Variants in SNTG2 observed in about 807,000 individuals in gnomAD.
The protein encoded by SNTG2 is gamma-2-syntrophin.
SNTG2 carries 74 observed loss-of-function variants against 70.9 expected under a neutral mutation model. That is an observed-to-expected ratio of 1.04 (90% CI 0.86 to 1.27). The LOEUF (loss-of-function observed/expected upper bound fraction) is 1.27, where lower values mean the gene tolerates loss of function less well. Ranked by LOEUF, SNTG2 falls within the 50% of genes most tolerant of loss-of-function variation. SNTG2 has a pLI of 0.00. For synonymous variants in SNTG2, 278 were observed against 273.8 expected (o/e 1.02, Z -0.15); for missense variants, 717 against 690.7 (o/e 1.04, Z -0.43).
intron 1 of SNTG2, among the ~76,000 whole-genome samples, chr2:1,072,675 T>G (rs1663656095): frequency 6.6e-6 from 1 of 152,204 alleles, no homozygotes. Flanking sequence ...GGTGTAGTGT[T>G]GACTTCAAGT....
intron 1 of SNTG2, 146 bp downstream of exon 1, chr2:951,214 G>A: frequency 2.4e-6 from 1 of 411,092 alleles, no homozygotes; most frequent in Non-Finnish European, 4.1e-6. Flanking sequence ...CGGAGGGTGG[G>A]CGCCGGAGCC....
At chr2:1,362,850 C>G (rs540308052) in intron 16 of SNTG2, among the ~76,000 whole-genome samples, 1 of 152,222 alleles carries the variant, frequency 6.6e-6, no homozygotes, top group South Asian at 2.1e-4. Flanking sequence ...ATGGAAGTTA[C>G]CAATGCTGAG....
intron 8 of SNTG2, among the ~76,000 whole-genome samples, chr2:1,202,755 A>T (rs931851312): frequency 6.6e-6 from 1 of 152,222 alleles, no homozygotes; most frequent in Non-Finnish European, 1.5e-5. Flanking sequence ...AACAATAACC[A>T]TAAAAATATC....
intron 8 of SNTG2, among the ~76,000 whole-genome samples, chr2:1,204,606 C>T (rs907034650): frequency 3.3e-5 from 5 of 152,164 alleles, no homozygotes; most frequent in Non-Finnish European, 5.9e-5. Context: ...GCTCCATCCC[C>T]TTATCACAAG....
intron 9 of SNTG2, among the ~76,000 whole-genome samples, chr2:1,228,804 G>A (rs1675981168): frequency 6.6e-6 from 1 of 152,234 alleles, no homozygotes; most frequent in South Asian, 2.1e-4. Context: ...GACCCTCGCG[G>A]TGAGTGTTAC....
At position 1,339,950 on chromosome 2, in the gene SNTG2, G is replaced by A. The variant is rs201203911; in HGVS notation, c.1488+23575G>A. 5.3e-5 allele frequency among the ~76,000 whole-genome samples: 8 copies of A among 152,296 alleles called. No homozygotes were observed. The East Asian group carries it at 1.5e-3, about 29-fold the overall frequency. ...AACTGCTTAAGGCCTCGCACCGTCC[G>A]CTCACTGGCCGCATCGAACTGAAAT... On this transcript the variant is annotated intron_variant, in intron 16 of 16. Coordinates refer to ENST00000308624, the MANE Select transcript of SNTG2 (RefSeq NM_018968.4).
intron 8 of SNTG2, among the ~76,000 whole-genome samples, chr2:1,200,625 G>A (rs527607739): frequency 9.2e-5 from 14 of 152,014 alleles, no homozygotes; most frequent in African/African-American, 2.4e-4. Context: ...CTATTCATTC[G>A]ACAAGAGACT....
intron 14 of SNTG2, among the ~76,000 whole-genome samples, chr2:1,285,839 C>G (rs1249908954): frequency 2.0e-5 from 3 of 152,116 alleles, no homozygotes; most frequent in Non-Finnish European, 2.9e-5. Flanking sequence ...AGGGTCTGGA[C>G]CATTTGTAGT....
At chr2:1,156,790 T>A (rs1669927675) in intron 6 of SNTG2, among the ~76,000 whole-genome samples, 1 of 151,768 alleles carries the variant, frequency 6.6e-6, no homozygotes, top group African/African-American at 2.4e-5. Flanking sequence ...CCTGCCTGCG[T>A]GGGGGTAGGA....
chr2:1,329,171 T>C (rs555041943), intron 16 of SNTG2, among the ~76,000 whole-genome samples: 13 of 152,334 alleles, frequency 8.5e-5, no homozygotes, highest in African/African-American at 3.1e-4. Context: ...GGGTAATCAT[T>C]ATTTAAAGCT....
At chr2:972,309 T>G (rs1660769332) in intron 1 of SNTG2, among the ~76,000 whole-genome samples, 1 of 152,222 alleles carries the variant, frequency 6.6e-6, no homozygotes, top group Admixed American at 6.5e-5. Context: ...TGAATCTGGG[T>G]GCTCCTGTGT....
chr2:1,175,203 A>G (rs1315780599), intron 8 of SNTG2, among the ~76,000 whole-genome samples: 1 of 152,226 alleles, frequency 6.6e-6, no homozygotes, highest in Non-Finnish European at 1.5e-5. Flanking sequence ...TTGTCTCAAC[A>G]CTATTTCTGG....
At chr2:1,100,391 T>C (rs1665710793) in intron 4 of SNTG2, among the ~76,000 whole-genome samples, 1 of 152,226 alleles carries the variant, frequency 6.6e-6, no homozygotes, top group African/African-American at 2.4e-5. Context: ...GTGATCTGCC[T>C]GCCTCCGCCT....
intron 15 of SNTG2, among the ~76,000 whole-genome samples, chr2:1,315,840 T>C (rs185335451): frequency 3.7e-4 from 56 of 152,310 alleles, no homozygotes; most frequent in Admixed American, 1.9e-3. Flanking sequence ...GACTATGTCT[T>C]ATATAATATA....
In SNTG2 at chr2:1,232,032, G is replaced by C. The variant is rs576658067; in HGVS notation, c.720-5856G>C. ...ATAGGGAGGCCTTCAGGGAGTCCCT[G>C]GACATCGTGCTCCAGTGCCCCACTC... On this transcript the variant is annotated intron_variant, in intron 9 of 16. Coordinates refer to ENST00000308624, the MANE Select transcript of SNTG2 (RefSeq NM_018968.4). Among the ~76,000 whole-genome samples, 26 of 152,298 alleles carry C rather than the reference G, an allele frequency of 1.7e-4. 1 individual carries two copies. The East Asian group carries it at 4.1e-3, about 24-fold the overall frequency.
chr2:1,226,610 C>T (rs1675797497), intron 9 of SNTG2, among the ~76,000 whole-genome samples: 1 of 151,916 alleles, frequency 6.6e-6, no homozygotes, highest in Non-Finnish European at 1.5e-5. Flanking sequence ...AACGTGGGAC[C>T]CAGCTTGTGA....
intron 14 of SNTG2, among the ~76,000 whole-genome samples, chr2:1,301,609 C>A (rs949029321): frequency 6.6e-6 from 1 of 151,908 alleles, no homozygotes; most frequent in Non-Finnish European, 1.5e-5. Context: ...ATAATACAGC[C>A]CTTAGGGAGG....
At chr2:1,094,041 T>G (rs1228420122) in intron 2 of SNTG2, among the ~76,000 whole-genome samples, 9 of 85,942 alleles carry the variant, frequency 1.0e-4, no homozygotes, top group Non-Finnish European at 2.0e-4. Context: ...AAGGGCCAGC[T>G]TCCTGGCTTG....
At chr2:1,241,746 T>C (rs1381168539) in intron 11 of SNTG2, among the ~76,000 whole-genome samples, 1 of 152,182 alleles carries the variant, frequency 6.6e-6, no homozygotes, top group Non-Finnish European at 1.5e-5. Context: ...AAGGAGCATC[T>C]TCCAGAGACC....
Sources: gnomAD v4.1 joint callset for allele counts (sites outside exome capture counted in the v4.1 genomes callset) on GRCh38, gnomAD v4.1.1 for gene constraint, MANE v1.5 for transcripts, NCBI Gene and HGNC (gene_info 2026-07-23, HGNC 2026-07-21) for gene names.